The following NCAPD2 variants were observed in gnomAD, a reference collection of about 807,000 sequenced individuals.
The protein encoded by NCAPD2 is condensin complex subunit 1.
In NCAPD2, 100 loss-of-function variants were observed where a neutral mutation model predicts 164.5. The observed-to-expected ratio is 0.61, with a 90% CI of 0.52 to 0.72. The LOEUF is 0.72. Ranked by LOEUF, NCAPD2 falls within the 30% of genes least tolerant of loss-of-function variation. The pLI, the probability that NCAPD2 is intolerant of heterozygous loss-of-function variation, is 0.00. For missense variants in NCAPD2, 1,560 were observed against 1,749.2 expected, an observed-to-expected ratio of 0.89 and a Z score of 1.93; for synonymous variants, 585 against 642.6, an observed-to-expected ratio of 0.91 and a Z score of 1.36.
chr12:6,526,461 A>C lies in NCAPD2; in HGVS notation c.2580A>C (p.Pro860=). 6.2e-7 allele frequency: 1 copy of C among 1,614,188 alleles called. No homozygotes were observed. Among genetic ancestry groups the C allele is most frequent in the Non-Finnish European group, 8.5e-7 (1 of 1,180,036 alleles). Reference sequence around the variant, plus strand: ...CCTCCTCTGCAGGCTTTGTCCACCCAGACCCACTCTGGATCCCATTCAAAG... The same window carrying C: ...CCTCCTCTGCAGGCTTTGTCCACCCCGACCCACTCTGGATCCCATTCAAAG... The part of the protein sequence containing the change: ...RETVTKGFVH[P]DPLWIPFKEV... The change falls in exon 21 of 32, where the codon CCA becomes CCC. Residue 860 remains proline (P), a synonymous_variant. Transcript: ENST00000315579.
In NCAPD2 at chr12:6,521,909, G is replaced by C. The variant is rs148221378; in HGVS notation, c.1826G>C (p.Arg609Thr). 46 of 1,614,120 alleles carry C rather than the reference G, an allele frequency of 2.8e-5. No individual in the cohort carries two copies. The East Asian group carries it at 9.6e-4, about 34-fold the overall frequency. Residue 609 changes from arginine (R) to threonine (T), a missense_variant, in exon 15 of 32, where the codon AGG (arginine) becomes ACG (threonine). Coordinates refer to ENST00000315579, the MANE Select transcript of NCAPD2 (RefSeq NM_014865.4). The stretch of plus-strand genomic sequence containing the variant: ...AATATGTCGGATCCTGAGGAATCCA[G>C]GGGAAATGATGAACTAGTGAAGCAG... Reference protein sequence around the residue: ...KPNMSDPEESRGNDELVKQEM... With the variant: ...KPNMSDPEESTGNDELVKQEM...
At chr12:6,507,314 T>G (rs919791640) in intron 2 of NCAPD2, among the ~76,000 whole-genome samples, 3 of 152,240 alleles carry the variant, frequency 2.0e-5, no homozygotes, top group Admixed American at 1.3e-4. Flanking sequence ...GAAGGGAGGC[T>G]GGGTGCAGTG....
At chr12:6,501,702 G>A (rs1390782621) in intron 2 of NCAPD2, among the ~76,000 whole-genome samples, 4 of 150,550 alleles carry the variant, frequency 2.7e-5, no homozygotes, top group African/African-American at 9.8e-5. Flanking sequence ...ATGGAGAAGA[G>A]CAGCAGTTTG....
chr12:6,518,504 G>GTTTTTTTTTTTTTGTTTT (rs1946227029), intron 13 of NCAPD2, among the ~76,000 whole-genome samples: 1 of 44,774 alleles, frequency 2.2e-5, no homozygotes, highest in African/African-American at 1.0e-4. Flanking sequence ...CCGTCAACAA[G>GTTTTTTTTTTTTTGTTTT]TTTTTTTTTT....
Position 6,531,076 on chromosome 12 carries a change from G to A in NCAPD2, c.4120G>A (p.Asp1374Asn). The A allele has an allele frequency of 6.2e-7, 1 of 1,613,152 alleles. No individual in the cohort carries two copies. The highest frequency in any genetic ancestry group is 8.5e-7 in the Non-Finnish European group (1 of 1,179,994). ...VFSSDESSEE[D>N]LSAEMTEDET... ...CTCAAGTGATGAGTCCAGTGAGGAAGGTATGATGCTCCCGCCTGTTCCCGG... is the reference window on the plus strand; with the variant it reads ...CTCAAGTGATGAGTCCAGTGAGGAAAGTATGATGCTCCCGCCTGTTCCCGG... The change falls in exon 31 of 32, where the codon GAT becomes AAT. Residue 1374 changes from aspartate to asparagine, a missense_variant and splice_region_variant. Asp to Asn is a conservative substitution (Grantham distance 23). Transcript: ENST00000315579. This position sits in a 1 kb window ranked among gnomAD's most constrained non-coding sequence, Gnocchi z 4.1.
At chr12:6,499,233 T>C (rs147750059) in intron 2 of NCAPD2, among the ~76,000 whole-genome samples, 1 of 152,066 alleles carries the variant, frequency 6.6e-6, no homozygotes, top group East Asian at 1.9e-4. Context: ...TTTTTTAAGA[T>C]AAGGGTCTTG....
At chr12:6,529,454 T>G (rs1946350847) in intron 27 of NCAPD2, 59 bp from the exon 28 acceptor site, 1 of 1,489,004 alleles carries the variant, frequency 6.7e-7, no homozygotes, top group Non-Finnish European at 9.4e-7. Context: ...AGGGTTGGTC[T>G]TAGTGGATGG....
Position 6,526,288 on chromosome 12 carries a change from C to T in NCAPD2, c.2483C>T (p.Pro828Leu), listed in dbSNP as rs1240568500. Reference sequence around the variant, plus strand: ...CCCACGTTGTCTTGCTCTCCACAGCCTTCTCTGGGCAAACGTCACCCCCCC... The same window carrying T: ...CCCACGTTGTCTTGCTCTCCACAGCTTTCTCTGGGCAAACGTCACCCCCCC... ...AIANISDRRK[P>L]SLGKRHPPFR... is the part of the protein sequence containing the mutation. The change falls in exon 20 of 32, where the codon CCT becomes CTT. Residue 828 changes from proline (P) to leucine (L), a missense_variant and splice_region_variant. By Grantham distance (98) the Pro-to-Leu change is moderately conservative. Transcript: ENST00000315579. 1.2e-6 allele frequency: 2 copies of T among 1,614,082 alleles called. No individual in the cohort carries two copies. Among genetic ancestry groups the T allele is most frequent in the South Asian group, 2.2e-5 (2 of 91,086 alleles).
chr12:6,512,290 AAAAGATAGAT>A (rs1485454655), intron 6 of NCAPD2, among the ~76,000 whole-genome samples: 2 of 142,982 alleles, frequency 1.4e-5, no homozygotes, highest in South Asian at 2.2e-4. Flanking sequence ...AAAAAAAAAA[AAAAGATAGAT>A]AGATAGATAG....
intron 6 of NCAPD2, 66 bp downstream of exon 6, chr12:6,511,318 C>G: frequency 6.5e-7 from 1 of 1,549,930 alleles, no homozygotes; most frequent in Non-Finnish European, 8.7e-7. Flanking sequence ...GATAGATATG[C>G]CGTTTTTTTG....
chr12:6,509,729 C>T lies in NCAPD2; in HGVS notation c.140C>T (p.Ala47Val), dbSNP rs1245055627. The part of the protein sequence containing the change: ...LPPQLRAFQA[A>V]FRAQGPLAML... ...TCCATCTTCATAGCTTTTCAGGCTG[C>T]CTTTCGAGCTCAGGGGCCCCTGGCT... The change falls in exon 3 of 32, where the codon GCC becomes GTC. Residue 47 changes from alanine to valine, a missense_variant. Physicochemically the swap from Ala to Val is moderately conservative, Grantham distance 64 (BLOSUM62 0). Coordinates refer to ENST00000315579, the MANE Select transcript of NCAPD2 (RefSeq NM_014865.4). The T allele has an allele frequency of 6.2e-7, 1 of 1,613,944 alleles. No homozygotes were observed. The highest frequency in any genetic ancestry group is 1.1e-5 in the South Asian group (1 of 91,076).
intron 4 of NCAPD2, 100 bp downstream of exon 4, chr12:6,510,233 A>G (rs1946133523): frequency 7.9e-7 from 1 of 1,269,818 alleles, no homozygotes; most frequent in Non-Finnish European, 1.2e-6. Context: ...CCACATGATG[A>G]TATCAAGGCT....
chr12:6,519,863 A>AT (rs1291604845), intron 13 of NCAPD2, among the ~76,000 whole-genome samples: 2 of 149,434 alleles, frequency 1.3e-5, no homozygotes, highest in Non-Finnish European at 3.0e-5. Context: ...GGAAGAGTCC[A>AT]TCTCAAAAAA....
chr12:6,516,691 A>C, intron 9 of NCAPD2, 137 bp from the exon 10 acceptor site: 2 of 828,324 alleles, frequency 2.4e-6, no homozygotes, highest in Non-Finnish European at 3.8e-6. Context: ...CTGAGCAACA[A>C]GTCCTCTTTG....
chr12:6,518,503 A>ATTTTTTTTT (rs1565544079), intron 13 of NCAPD2, among the ~76,000 whole-genome samples: 10 of 30,682 alleles, frequency 3.3e-4, no homozygotes, highest in Admixed American at 7.8e-4. Flanking sequence ...GCCGTCAACA[A>ATTTTTTTTT]GTTTTTTTTT....
At position 6,526,944 on chromosome 12, in the gene NCAPD2, G is replaced by A; in HGVS notation, c.2788G>A (p.Ala930Thr). Residue 930 changes from alanine (A) to threonine (T), a missense_variant, in exon 22 of 32, where the codon GCT becomes ACT. By Grantham distance (58) the Ala-to-Thr change is moderately conservative. Transcript: ENST00000315579. ...TFLLMNLLSLAGDVALQQLVH... is the reference protein window; with the variant it reads ...TFLLMNLLSLTGDVALQQLVH... ...CCTGTTGATGAACCTGCTGTCCCTGGCTGGGGATGTGGCTCTGCAGCAGCT... is the reference window on the plus strand; with the variant it reads ...CCTGTTGATGAACCTGCTGTCCCTGACTGGGGATGTGGCTCTGCAGCAGCT... 4 of 1,614,140 alleles carry A rather than the reference G, an allele frequency of 2.5e-6. No individual in the cohort carries two copies. The highest frequency in any genetic ancestry group is 3.4e-6 in the Non-Finnish European group (4 of 1,180,022).
rs1420824223 is a variant in NCAPD2, at chr12:6,517,232, T to C, written c.1186-133T>C. ...TGTGTCTTACCACTACAAGGAGTACTCCTAATCTATATTCTGTAGAAAGGG... is the reference window on the plus strand; with the variant it reads ...TGTGTCTTACCACTACAAGGAGTACCCCTAATCTATATTCTGTAGAAAGGG... On this transcript the variant is annotated intron_variant, in intron 10 of 31. Transcript: ENST00000315579. 3.6e-6 allele frequency: 5 copies of C among 1,379,726 alleles called. No individual in the cohort carries two copies. The East Asian group carries it at 1.2e-4, about 32-fold the overall frequency. The allele number at this position is 1,379,726 out of a possible 1,614,324, so 85.5% of individuals were successfully genotyped here.
chr12:6,519,413 A>G (rs1344791697), intron 13 of NCAPD2, among the ~76,000 whole-genome samples: 1 of 152,170 alleles, frequency 6.6e-6, no homozygotes, highest in Admixed American at 6.5e-5. Flanking sequence ...CAGTAGCGCA[A>G]TCACAGCTCA....
chr12:6,522,416 A>G (rs1020262182), intron 15 of NCAPD2, among the ~76,000 whole-genome samples: 1 of 151,982 alleles, frequency 6.6e-6, no homozygotes, highest in Non-Finnish European at 1.5e-5. Context: ...GCAAGACCCC[A>G]TCTCTACAAA....
Sources: allele counts gnomAD v4.1 joint callset (sites outside exome capture counted in the v4.1 genomes callset), GRCh38; gene constraint gnomAD v4.1.1; non-coding constraint Gnocchi (gnomAD v3.1); transcripts MANE v1.5; gene names NCBI Gene and HGNC (gene_info 2026-07-23, HGNC 2026-07-21).